Variants in TEK observed in about 807,000 individuals in gnomAD.
TEK encodes the protein TEK receptor tyrosine kinase, also known as angiopoietin-1 receptor.
Under a neutral mutation model 131.8 loss-of-function variants are expected in TEK, and 43 were observed. That is an observed-to-expected ratio of 0.33 (90% CI 0.26 to 0.42). The LOEUF is 0.42. Among genes scored for constraint, TEK ranks in the 10% least tolerant of loss-of-function variants. The pLI is 1.00. For synonymous variants in TEK, 580 were observed against 491.6 expected (o/e 1.18, Z -2.38); for missense variants, 1,162 against 1,384.4 (o/e 0.84, Z 2.55).
intron 7 of TEK, among the ~76,000 whole-genome samples, 181 bp from the exon 8 acceptor site, chr9:27,183,277 TC>T (rs2131169648): frequency 6.6e-6 from 1 of 152,286 alleles, no homozygotes; most frequent in Non-Finnish European, 1.5e-5. Context: ...TGTCTCCTCA[TC>T]CATAAAATGG....
intron 1 of TEK, among the ~76,000 whole-genome samples, chr9:27,133,661 A>T (rs1054415897): frequency 4.6e-5 from 7 of 152,152 alleles, no homozygotes; most frequent in Non-Finnish European, 1.0e-4. Context: ...TACTTGCTTT[A>T]TGGAGCTCGA....
chr9:27,162,292 G>A (rs532963579), intron 2 of TEK, among the ~76,000 whole-genome samples: 1 of 152,316 alleles, frequency 6.6e-6, no homozygotes, highest in South Asian at 2.1e-4. Context: ...TCGTACATCT[G>A]TGGAGGAAGT....
chr9:27,211,257 TTACCTTTATCTTTA>T (rs1274861659), intron 16 of TEK, among the ~76,000 whole-genome samples: 2 of 59,778 alleles, frequency 3.3e-5, no homozygotes, highest in African/African-American at 1.3e-4. Flanking sequence ...TTAAGGTAAA[TTACCTTTATCTTTA>T]TTAATAAATA....
intron 1 of TEK, among the ~76,000 whole-genome samples, chr9:27,135,970 G>A (rs538542970): frequency 1.1e-3 from 164 of 152,154 alleles, no homozygotes; most frequent in Non-Finnish European, 1.7e-3. Flanking sequence ...GTACCGTACC[G>A]TCATTCTGAG....
chr9:27,136,634 G>A (rs1210363183), intron 1 of TEK, among the ~76,000 whole-genome samples: 1 of 152,118 alleles, frequency 6.6e-6, no homozygotes, highest in South Asian at 2.1e-4. Flanking sequence ...AGTATTGTGA[G>A]TACAACACAC....
At chr9:27,160,010 G>GT (rs563961610) in intron 2 of TEK, among the ~76,000 whole-genome samples, 1,172 of 84,322 alleles carry the variant, frequency 0.014, 48 homozygotes, top group East Asian at 0.05. Context: ...GCTGTTTAGG[G>GT]TTTTTTTTTT....
rs111600606 is a variant in TEK at position 27,168,935 on chromosome 9, T to C, written c.475+330T>C. On this transcript the variant is annotated intron_variant, in intron 3 of 22. Coordinates refer to ENST00000380036, the MANE Select transcript of TEK (RefSeq NM_000459.5). ...TTGTTGATTGCAAGGTTTAGGAAAT[T>C]ACCACAGTAAACATGGGAAGCCAAT... Among the ~76,000 whole-genome samples the C allele has an allele frequency of 1.0e-2, 1,518 of 152,334 alleles. 24 individuals are homozygous for C. The highest frequency in any genetic ancestry group is 0.035 in the African/African-American group (1,437 of 41,574).
In TEK at chr9:27,193,997, G is replaced by T. The variant is rs552171717; in HGVS notation, c.1624+1374G>T. On this transcript the variant is annotated intron_variant, in intron 11 of 22. Coordinates refer to ENST00000380036, the MANE Select transcript of TEK (RefSeq NM_000459.5). ...TTCAAAAAATTTTTTTTGTAGAGACGGGGTCTTGCTTTGTTGCCCAGGCTG... is the reference window on the plus strand; with the variant it reads ...TTCAAAAAATTTTTTTTGTAGAGACTGGGTCTTGCTTTGTTGCCCAGGCTG... Among the ~76,000 whole-genome samples, 4 of 152,132 alleles carry T rather than the reference G, an allele frequency of 2.6e-5. No homozygotes were observed. The East Asian group carries it at 7.8e-4, about 29-fold the overall frequency.
At chr9:27,174,696 C>CAGT (rs1824097478) in intron 6 of TEK, among the ~76,000 whole-genome samples, 1 of 152,144 alleles carries the variant, frequency 6.6e-6, no homozygotes, top group Non-Finnish European at 1.5e-5. Context: ...ATACCTCATT[C>CAGT]AGTTCCCTCT....
At chr9:27,212,971 A>G (rs2131228517) in intron 17 of TEK, 74 bp downstream of exon 17, 1 of 1,495,036 alleles carries the variant, frequency 6.7e-7, no homozygotes, top group East Asian at 2.3e-5. Flanking sequence ...ATATGTTTGT[A>G]GGGTCTGTCA....
At chr9:27,119,499 T>G (rs1005517741) in intron 1 of TEK, among the ~76,000 whole-genome samples, 1 of 152,212 alleles carries the variant, frequency 6.6e-6, no homozygotes, top group Non-Finnish European at 1.5e-5. Flanking sequence ...TCCATGCAGA[T>G]GAGGCTCCCT....
Position 27,189,839 on chromosome 9 carries a change from T to C in TEK, c.1328-690T>C, listed in dbSNP as rs570696637. On this transcript the variant is annotated intron_variant, in intron 9 of 22. Transcript: ENST00000380036. The stretch of plus-strand genomic sequence containing the variant: ...CTTCTAGAACTATAATAAATTTGAG[T>C]TGTTTGGCTGAAAGAGAGAGATATA... 3.5e-5 allele frequency among the ~76,000 whole-genome samples: 5 copies of C among 141,570 alleles called. No individual in the cohort carries two copies. The East Asian group carries it at 1.1e-3, about 30-fold the overall frequency. The allele number at this position is 141,570 out of a possible 152,430, so 92.9% of individuals were successfully genotyped here. A position where few individuals can be genotyped will look rare whatever the true frequency, so the allele number is the denominator to read the frequency against.
At chr9:27,206,334 G>C (rs563494249) in intron 14 of TEK, among the ~76,000 whole-genome samples, 3 of 152,168 alleles carry the variant, frequency 2.0e-5, no homozygotes, top group Non-Finnish European at 4.4e-5. Context: ...TCCTTCCTCC[G>C]TCACCCTTTA....
intron 18 of TEK, among the ~76,000 whole-genome samples, chr9:27,214,965 TACTCCAGCTTTCCCA>T (rs1311267357): frequency 3.9e-5 from 6 of 152,302 alleles, no homozygotes; most frequent in African/African-American, 1.4e-4. Context: ...CTCACCTACC[TACTCCAGCTTTCCCA>T]ACTCCTCCCT....
chr9:27,229,647 C>A lies in TEK; in HGVS notation c.*415C>A. The stretch of plus-strand genomic sequence containing the variant: ...ATATTGTTAATAAACCTAACAATGA[C>A]CCTGATAGTACAGGTTAAGTGAGAG... On this transcript the variant is annotated 3_prime_UTR_variant, in exon 23 of 23. Coordinates refer to ENST00000380036, the MANE Select transcript of TEK (RefSeq NM_000459.5). The A allele has an allele frequency of 4.2e-6, 1 of 238,374 alleles. No individual in the cohort carries two copies. Among genetic ancestry groups the A allele is most frequent in the Non-Finnish European group, 8.4e-6 (1 of 119,384 alleles). 14.8% of individuals were successfully genotyped at this position (238,374 alleles called of 1,614,324 possible). A position where few individuals can be genotyped will look rare whatever the true frequency, so the allele number is the denominator to read the frequency against.
At chr9:27,200,333 G>A (rs1054869321) in intron 12 of TEK, among the ~76,000 whole-genome samples, 1 of 152,128 alleles carries the variant, frequency 6.6e-6, no homozygotes, top group African/African-American at 2.4e-5. Context: ...AACTACATAA[G>A]TTTCATCCTC....
At chr9:27,137,863 C>A (rs1189757889) in intron 1 of TEK, among the ~76,000 whole-genome samples, 1 of 152,104 alleles carries the variant, frequency 6.6e-6, no homozygotes, top group African/African-American at 2.4e-5. Context: ...TTTATTCATT[C>A]CGGTGGGTTC....
In TEK at chr9:27,228,324, C is replaced by G. The variant is rs764282141; in HGVS notation, c.3300+19C>G. On this transcript the variant is annotated intron_variant, in intron 22 of 22. Transcript: ENST00000380036. ...GCGAAAGGTAAGTATTAAAGTCAGG[C>G]AGGAGATCTTTAATTGGAATACCTG... The G allele has an allele frequency of 3.8e-6, 6 of 1,586,304 alleles. No homozygotes were observed. Among genetic ancestry groups the G allele is most frequent in the African/African-American group, 1.3e-5 (1 of 74,428 alleles).
intron 1 of TEK, among the ~76,000 whole-genome samples, chr9:27,151,786 G>A (rs1823136464): frequency 6.6e-6 from 1 of 152,224 alleles, no homozygotes; most frequent in Non-Finnish European, 1.5e-5. Flanking sequence ...CATGCAATAA[G>A]TCTGCGTGGT....
Sources: allele counts gnomAD v4.1 joint callset (sites outside exome capture counted in the v4.1 genomes callset), GRCh38; gene constraint gnomAD v4.1.1; transcripts MANE v1.5; gene names NCBI Gene and HGNC (gene_info 2026-07-23, HGNC 2026-07-21).